QRICH2: variants seen among roughly 807,000 people sequenced by gnomAD.
The protein encoded by QRICH2 is glutamine-rich protein 2.
In QRICH2, 119 loss-of-function variants were observed where a neutral mutation model predicts 168.3. The ratio of observed to expected loss-of-function variants is 0.71; its 90% CI spans 0.61 to 0.82. The LOEUF (loss-of-function observed/expected upper bound fraction) is 0.82. Ranked by LOEUF, QRICH2 falls within the 40% of genes least tolerant of loss-of-function variation. The probability of loss-of-function intolerance (pLI) is 0.00; values close to 1 mark genes in which losing one functional copy is unlikely to be tolerated. For missense variants in QRICH2, 2,241 were observed against 2,491.6 expected, an observed-to-expected ratio of 0.90 and a Z score of 2.14; for synonymous variants, 894 against 951.2, an observed-to-expected ratio of 0.94 and a Z score of 1.11.
Position 76,291,999 on chromosome 17 carries a change from C to G in QRICH2, c.2728G>C (p.Gly910Arg). ...TGACCTATTCCAGGCTGCACCATAC[C>G]CAGCTGACCTGCACCAGGCTGGACC... ...GLVQPGAGQL[G>R]MVQPGIGQQG... is the part of the protein sequence containing the mutation. Residue 910 changes from glycine (G) to arginine (R), a missense_variant, in exon 4 of 19, where the codon GGT (glycine) becomes CGT (arginine). Transcript: ENST00000680821. The G allele has an allele frequency of 6.2e-7, 1 of 1,614,216 alleles. No homozygotes were observed. The highest frequency in any genetic ancestry group is 8.5e-7 in the Non-Finnish European group (1 of 1,180,044).
intron 3 of QRICH2, among the ~76,000 whole-genome samples, chr17:76,297,382 C>T (rs2070813735): frequency 6.6e-6 from 1 of 152,048 alleles, no homozygotes; most frequent in Non-Finnish European, 1.5e-5. Flanking sequence ...TGGCACACAC[C>T]TGTAATCCCA....
intron 1 of QRICH2, among the ~76,000 whole-genome samples, chr17:76,305,278 C>T (rs2143406222): frequency 6.6e-6 from 1 of 151,916 alleles, no homozygotes; most frequent in African/African-American, 2.4e-5. Flanking sequence ...ATCCTCCCAC[C>T]TCAGCCTCCT....
chr17:76,277,237 G>A lies in QRICH2; in HGVS notation c.5191C>T (p.Pro1731Ser). The change falls in exon 16 of 19, where the codon CCC (proline) becomes TCC (serine). Residue 1731 changes from proline (P) to serine (S), a missense_variant. Around this residue, in one of 3 missense-constraint regions of QRICH2, gnomAD observed 2,047 missense variants for 2,303.8 expected, o/e 0.89. Coordinates refer to ENST00000680821, the MANE Select transcript of QRICH2 (RefSeq NM_001388453.1). ...TGCTGCGGGCGGCTGCGGTGGTAGG[G>A]GTAGGTGAGGGTGTGGCTGCCCCCG... ...RCGGSHTLTYPYHRSRPQHLP... is the reference protein window; with the variant it reads ...RCGGSHTLTYSYHRSRPQHLP... The A allele has an allele frequency of 6.2e-7, 1 of 1,603,448 alleles. No homozygotes were observed. Among genetic ancestry groups the A allele is most frequent in the Non-Finnish European group, 8.5e-7 (1 of 1,177,094 alleles).
At chr17:76,279,213 A>G (rs1598478159) in intron 13 of QRICH2, 71 bp from the exon 14 acceptor site, 5 of 1,405,456 alleles carry the variant, frequency 3.6e-6, no homozygotes, top group East Asian at 4.8e-5. Context: ...CCACCTGCCT[A>G]AAGAACCTTC....
chr17:76,274,687 C>T (rs1324055470), intron 18 of QRICH2, among the ~76,000 whole-genome samples: 2 of 152,146 alleles, frequency 1.3e-5, no homozygotes, highest in African/African-American at 4.8e-5. Context: ...AAACAGAGTT[C>T]TGGGAGCCAG....
intron 7 of QRICH2, among the ~76,000 whole-genome samples, chr17:76,285,452 G>C (rs933427196): frequency 1.3e-5 from 2 of 151,434 alleles, no homozygotes; most frequent in Non-Finnish European, 2.9e-5. Flanking sequence ...ATTTTTAGTA[G>C]AGATGGGGTT....
In QRICH2 at chr17:76,282,051, C is replaced by G. The variant is rs577904373; in HGVS notation, c.4076G>C (p.Ser1359Thr). ...LTSSSTLLSM[S>T]MAPHKAHTLA... ...GGTGTGGGCCTTGTGCGGGGCCATG[C>G]TCATGGACAGGAGCGTGGAGGAGGA... Residue 1359 changes from serine (S) to threonine (T), a missense_variant, in exon 8 of 19, where the codon AGC becomes ACC. Ser to Thr is a moderately conservative substitution (Grantham distance 58, BLOSUM62 1). Transcript: ENST00000680821. The G allele has an allele frequency of 1.2e-6, 2 of 1,613,412 alleles. No homozygotes were observed. Among genetic ancestry groups the G allele is most frequent in the East Asian group, 2.2e-5 (1 of 44,852 alleles).
At position 76,274,187 on chromosome 17, in the gene QRICH2, G is replaced by C; in HGVS notation, c.5556C>G (p.Pro1852=). 6.3e-7 allele frequency: 1 copy of C among 1,591,162 alleles called. No individual in the cohort carries two copies. The highest frequency in any genetic ancestry group is 1.1e-5 in the South Asian group (1 of 88,002). Residue 1852 remains proline, a synonymous_variant, in exon 19 of 19, where the codon CCC becomes CCG. Transcript: ENST00000680821. ...CCCTGTTTGCCACCGCGGCGGAGCT[G>C]GGCGGGTGGGCTGTGTTCGGCTGGG... The part of the protein sequence containing the change: ...RLSQPNTAHP[P]SSAAVANRGL...
rs757435650 is a variant in QRICH2, at chr17:76,293,166, C to T, written c.1561G>A (p.Asp521Asn). ...AAAGGTAGAACCAGGCCATGTTGAT[C>T]GACGACAGGCAATGTCAATCCTTGC... is the stretch of plus-strand genomic sequence containing the variant. ...DQQGLTLPVV[D>N]QHGLVLPFTD... The change falls in exon 4 of 19, where the codon GAT becomes AAT. Residue 521 changes from aspartate (D) to asparagine (N), a missense_variant. This residue lies in a region of QRICH2 where 2,047 missense variants were observed against 2,303.8 expected (regional missense o/e 0.89). Coordinates refer to ENST00000680821, the MANE Select transcript of QRICH2 (RefSeq NM_001388453.1). 23 of 1,614,100 alleles carry T rather than the reference C, an allele frequency of 1.4e-5. No individual in the cohort carries two copies. Among genetic ancestry groups the T allele is most frequent in the East Asian group, 4.5e-5 (2 of 44,908 alleles).
At chr17:76,287,641 T>C (rs978298458) in intron 6 of QRICH2, among the ~76,000 whole-genome samples, 159 bp downstream of exon 6, 4 of 152,154 alleles carry the variant, frequency 2.6e-5, no homozygotes, top group African/African-American at 9.7e-5. Context: ...CTTCTACCAG[T>C]TCCTTGAACT....
chr17:76,286,020 G>GA (rs2070877745), intron 7 of QRICH2, among the ~76,000 whole-genome samples: 1 of 150,746 alleles, frequency 6.6e-6, no homozygotes, highest in Non-Finnish European at 1.5e-5. Context: ...AAAATATTTT[G>GA]AAAAATTAGC....
rs565080022 is a variant in QRICH2 at position 76,274,094 on chromosome 17, G to A, written c.5649C>T (p.Ser1883=). Residue 1883 remains serine (S), a synonymous_variant, in exon 19 of 19, where the codon TCC becomes TCT. Transcript: ENST00000680821. The stretch of plus-strand genomic sequence containing the variant: ...ACACCTCCGCTCACTGAGCGGTGCT[G>A]GACCGCGGCCCCCGCGTGGGCTCCT... ...GLEEPTRGPR[S]STAQ 29 of 1,579,598 alleles carry A rather than the reference G, an allele frequency of 1.8e-5. No individual in the cohort carries two copies. In the African/African-American group the frequency reaches 3.9e-4, roughly 21 times the overall value.
At chr17:76,298,931 A>G (rs919361119) in intron 3 of QRICH2, among the ~76,000 whole-genome samples, 7 of 151,604 alleles carry the variant, frequency 4.6e-5, no homozygotes, top group Admixed American at 3.3e-4. Flanking sequence ...TGTAGTTTTT[A>G]TTTGCTTTTG....
At chr17:76,283,318 G>C (rs1254860992) in intron 7 of QRICH2, among the ~76,000 whole-genome samples, 4 of 152,260 alleles carry the variant, frequency 2.6e-5, no homozygotes, top group Non-Finnish European at 4.4e-5. Context: ...AGTGTGTTCA[G>C]AGAAAGGCAG....
At chr17:76,294,419 C>CA (rs1361824570) in intron 3 of QRICH2, among the ~76,000 whole-genome samples, 2 of 149,820 alleles carry the variant, frequency 1.3e-5, no homozygotes, top group African/African-American at 2.5e-5. Context: ...AACTCCATCT[C>CA]AAAAAAAAGA....
chr17:76,304,913 T>A lies in QRICH2; in HGVS notation c.563A>T (p.Glu188Val). ...TTGCTCCCGATCTTTGAATAGCTTCTCTAGTTCATCAACCCGCTGTAAAAG... is the reference window on the plus strand; with the variant it reads ...TTGCTCCCGATCTTTGAATAGCTTCACTAGTTCATCAACCCGCTGTAAAAG... ...RVLLQRVDEL[E>V]KLFKDREQFL... Residue 188 changes from glutamate (E) to valine (V), a missense_variant, in exon 2 of 19, where the codon GAG becomes GTG. This residue lies in a region of QRICH2 where 2,047 missense variants were observed against 2,303.8 expected (regional missense o/e 0.89). Transcript: ENST00000680821. 6.2e-7 allele frequency: 1 copy of A among 1,613,730 alleles called. No individual in the cohort carries two copies. The highest frequency in any genetic ancestry group is 1.1e-5 in the South Asian group (1 of 91,074).
At position 76,294,652 on chromosome 17, in the gene QRICH2, A is replaced by C. The variant is rs1007385720; in HGVS notation, c.706-631T>G. 7.9e-5 allele frequency among the ~76,000 whole-genome samples: 12 copies of C among 151,780 alleles called. No homozygotes were observed. In the South Asian group the frequency reaches 2.5e-3, roughly 31 times the overall value. On this transcript the variant is annotated intron_variant, in intron 3 of 18. Coordinates refer to ENST00000680821, the MANE Select transcript of QRICH2 (RefSeq NM_001388453.1). ...ACATGGCAAAACCCCATCTCTACTG[A>C]AAATACAAAAATTAGCTGGGTGTGA...
At position 76,284,413 on chromosome 17, in the gene QRICH2, A is replaced by C. The variant is rs1598483341; in HGVS notation, c.4012-2298T>G. Among the ~76,000 whole-genome samples the C allele has an allele frequency of 2.1e-5, 3 of 143,290 alleles. No homozygotes were observed. In the South Asian group the frequency reaches 6.3e-4, roughly 30 times the overall value. The allele number at this position is 143,290 out of a possible 152,430, so 94.0% of individuals were successfully genotyped here. On this transcript the variant is annotated intron_variant, in intron 7 of 18. Transcript: ENST00000680821. ...ATATTTGCAAGTCATCTATCAAATA[A>C]GAGTGTAGCATCCAGAACATGTAAA... is the stretch of plus-strand genomic sequence containing the variant.
rs150492722 is a variant in QRICH2, at chr17:76,280,613, C to T, written c.4461+41G>A. The T allele has an allele frequency of 5.3e-4, 851 of 1,610,636 alleles. 10 individuals are homozygous for T. In the African/African-American group the frequency reaches 9.5e-3, roughly 18 times the overall value. On this transcript the variant is annotated intron_variant, in intron 10 of 18. Coordinates refer to ENST00000680821, the MANE Select transcript of QRICH2 (RefSeq NM_001388453.1). This position sits in a 1 kb window ranked among gnomAD's most constrained non-coding sequence, Gnocchi z 7.4. ...TCTCTCAAAGAACAGTCAGCGAGACCGCCCTGGGACACAGCGTGGCTCCTG... is the reference window on the plus strand; with the variant it reads ...TCTCTCAAAGAACAGTCAGCGAGACTGCCCTGGGACACAGCGTGGCTCCTG...
Sources: gnomAD v4.1 joint callset for allele counts (sites outside exome capture counted in the v4.1 genomes callset) on GRCh38, gnomAD v4.1.1 for gene constraint, gnomAD v4.1.1 regional missense constraint, Gnocchi (gnomAD v3.1) non-coding constraint, MANE v1.5 for transcripts, NCBI Gene and HGNC (gene_info 2026-07-23, HGNC 2026-07-21) for gene names.